The following GPR139 variants were observed in gnomAD, a reference collection of about 807,000 sequenced individuals.
GPR139 encodes the protein G protein-coupled receptor 139.
GPR139 carries 12 observed loss-of-function variants against 25.8 expected under a neutral mutation model. The observed-to-expected ratio is 0.47, with a 90% CI of 0.30 to 0.75. GPR139 has a LOEUF of 0.75. Among genes scored for constraint, GPR139 ranks in the 30% least tolerant of loss-of-function variants. The pLI, the probability that GPR139 is intolerant of heterozygous loss-of-function variation, is 0.07. For missense variants in GPR139, 380 were observed against 450.2 expected (o/e 0.84, Z 1.41); for synonymous variants, 184 against 179.9 (o/e 1.02, Z -0.18).
intron 1 of GPR139, among the ~76,000 whole-genome samples, chr16:20,049,263 C>T (rs1290869269): frequency 6.6e-6 from 1 of 152,124 alleles, no homozygotes; most frequent in East Asian, 1.9e-4. Flanking sequence ...CTCCCCAAGG[C>T]TCTCTCTGTG....
intron 1 of GPR139, among the ~76,000 whole-genome samples, chr16:20,043,112 A>G (rs1326730008): frequency 6.6e-6 from 1 of 152,252 alleles, no homozygotes; most frequent in Non-Finnish European, 1.5e-5. Context: ...GCAGCAAGAG[A>G]TAAGATGGCT....
At chr16:20,052,720 C>G (rs968642441) in intron 1 of GPR139, among the ~76,000 whole-genome samples, 1 of 147,066 alleles carries the variant, frequency 6.8e-6, no homozygotes, top group Non-Finnish European at 1.5e-5. Flanking sequence ...TGGCGTGAAC[C>G]GGGGAGGCGG....
chr16:20,053,328 C>T (rs1009955828), intron 1 of GPR139, among the ~76,000 whole-genome samples: 2 of 152,142 alleles, frequency 1.3e-5, no homozygotes, highest in African/African-American at 2.4e-5. Context: ...GCTCCCTACT[C>T]AAAGGTGCCC....
intron 1 of GPR139, among the ~76,000 whole-genome samples, chr16:20,054,982 C>G (rs561991300): frequency 2.6e-5 from 4 of 152,314 alleles, no homozygotes; most frequent in Non-Finnish European, 4.4e-5. Context: ...CCCACCTCAG[C>G]TTCCCAAAGT....
intron 1 of GPR139, among the ~76,000 whole-genome samples, chr16:20,057,278 T>C (rs72772751): frequency 0.041 from 6,178 of 152,212 alleles, 149 homozygotes; most frequent in Non-Finnish European, 0.056. Flanking sequence ...ATATGCCAAA[T>C]GAGCATGATG....
chr16:20,033,981 G>GTTT (rs138930425), intron 1 of GPR139, among the ~76,000 whole-genome samples: 131 of 148,930 alleles, frequency 8.8e-4, no homozygotes, highest in Non-Finnish European at 1.2e-3. Context: ...TTTCTGATCA[G>GTTT]TTTTTTTTTT....
intron 1 of GPR139, among the ~76,000 whole-genome samples, chr16:20,058,400 G>A (rs2057399003): frequency 6.6e-6 from 1 of 151,972 alleles, no homozygotes; most frequent in Non-Finnish European, 1.5e-5. Context: ...CGTGAACATA[G>A]CAAACTCAAA....
chr16:20,043,257 A>G (rs945118462), intron 1 of GPR139, among the ~76,000 whole-genome samples: 1 of 152,124 alleles, frequency 6.6e-6, no homozygotes, highest in Non-Finnish European at 1.5e-5. Context: ...TTGACCATGG[A>G]CAGCTTCATT....
intron 1 of GPR139, among the ~76,000 whole-genome samples, chr16:20,063,188 C>A (rs1180780729): frequency 1.3e-5 from 2 of 152,202 alleles, no homozygotes; most frequent in African/African-American, 2.4e-5. Flanking sequence ...GTGTATATAA[C>A]CACCCCAGAT....
intron 1 of GPR139, among the ~76,000 whole-genome samples, chr16:20,036,992 A>G (rs1259503974): frequency 1.3e-5 from 2 of 152,200 alleles, no homozygotes; most frequent in African/African-American, 2.4e-5. Context: ...CCCTTTTGCC[A>G]TGGAGTTTAT....
intron 1 of GPR139, among the ~76,000 whole-genome samples, chr16:20,037,865 T>G (rs1371290619): frequency 1.3e-5 from 2 of 152,190 alleles, no homozygotes; most frequent in Admixed American, 6.5e-5. Context: ...CAACCTCTTT[T>G]TTCCTTTTTG....
chr16:20,073,675 C>T lies in GPR139; in HGVS notation c.-59G>A. 1 of 1,491,728 alleles carries T rather than the reference C, an allele frequency of 6.7e-7. No individual in the cohort carries two copies. The highest frequency in any genetic ancestry group is 8.9e-7 in the Non-Finnish European group (1 of 1,122,216). The allele number at this position is 1,491,728 out of a possible 1,614,324, so 92.4% of individuals were successfully genotyped here. ...CCCGGCCTGCCAGCCCGACTCTGGT[C>T]GCCGGCTCGGTGGTGGCGGCGGCGG... On this transcript the variant is annotated 5_prime_UTR_variant, in exon 1 of 2. Transcript: ENST00000570682. The surrounding 1 kb of genome is among the most constrained non-coding windows in gnomAD (Gnocchi z 4.7).
intron 1 of GPR139, among the ~76,000 whole-genome samples, chr16:20,049,072 A>G (rs768771463): frequency 6.6e-6 from 1 of 152,184 alleles, no homozygotes; most frequent in Non-Finnish European, 1.5e-5. Flanking sequence ...TTATGATGCT[A>G]TTCTTCAAGA....
At position 20,030,135 on chromosome 16, in the gene GPR139, G is replaced by A. The variant is rs1315213608; in HGVS notation, c.*1600C>T. Among the ~76,000 whole-genome samples, 1 of 152,172 alleles carries A rather than the reference G, an allele frequency of 6.6e-6. No individual in the cohort carries two copies. The highest frequency in any genetic ancestry group is 1.9e-4 in the East Asian group (1 of 5,186). On this transcript the variant is annotated 3_prime_UTR_variant, in exon 2 of 2. Transcript: ENST00000570682. ...TTGAGAGCATTGGCTGAAGTTTAGG[G>A]TTTGTGTTGCCATGGGGCCTTTTCT... is the stretch of plus-strand genomic sequence containing the variant.
intron 1 of GPR139, among the ~76,000 whole-genome samples, chr16:20,039,823 T>C (rs567331094): frequency 6.6e-6 from 1 of 152,342 alleles, no homozygotes; most frequent in South Asian, 2.1e-4. Flanking sequence ...GCTAGCCTTA[T>C]AGGTGAACCC....
At chr16:20,045,711 C>A (rs1023962052) in intron 1 of GPR139, among the ~76,000 whole-genome samples, 4 of 152,140 alleles carry the variant, frequency 2.6e-5, no homozygotes, top group Admixed American at 6.5e-5. Context: ...ATAAGGAGAT[C>A]TGGGGAGCTA....
intron 1 of GPR139, among the ~76,000 whole-genome samples, chr16:20,061,235 AT>A: frequency 6.8e-6 from 1 of 147,168 alleles, no homozygotes; most frequent in Admixed American, 6.7e-5. Flanking sequence ...GTGTGGATGG[AT>A]GGATGGATGG....
rs1174284456 is a variant in GPR139, at chr16:20,071,772, A to G, written c.127+1718T>C. 7.2e-5 allele frequency among the ~76,000 whole-genome samples: 11 copies of G among 151,800 alleles called. No homozygotes were observed. In the East Asian group the frequency reaches 2.1e-3, roughly 29 times the overall value. Reference sequence around the variant, plus strand: ...GCCTAAGTTTTTCCTCATTTTCTCCATCCTCTTGTCCCTGCTTTGAACTCT... The same window carrying G: ...GCCTAAGTTTTTCCTCATTTTCTCCGTCCTCTTGTCCCTGCTTTGAACTCT... On this transcript the variant is annotated intron_variant, in intron 1 of 1. Coordinates refer to ENST00000570682, the MANE Select transcript of GPR139 (RefSeq NM_001002911.4).
At chr16:20,071,026 T>G in intron 1 of GPR139, 3 of 984,800 alleles carry the variant, frequency 3.0e-6, no homozygotes, top group Non-Finnish European at 3.6e-6. Flanking sequence ...ATGATATCTA[T>G]GACCACAGCA....
Sources: allele counts gnomAD v4.1 joint callset (sites outside exome capture counted in the v4.1 genomes callset), GRCh38; gene constraint gnomAD v4.1.1; non-coding constraint Gnocchi (gnomAD v3.1); transcripts MANE v1.5; gene names NCBI Gene and HGNC (gene_info 2026-07-23, HGNC 2026-07-21).